The following GRIK2 variants were observed in gnomAD, a reference collection of about 807,000 sequenced individuals.
GRIK2 encodes glutamate ionotropic receptor kainate type subunit 2.
Under a neutral mutation model 100.3 loss-of-function variants are expected in GRIK2, and 32 were observed. The ratio of observed to expected loss-of-function variants is 0.32; its 90% CI spans 0.24 to 0.43. The LOEUF (loss-of-function observed/expected upper bound fraction) is 0.43, where lower values mean the gene tolerates loss of function less well. Among genes scored for constraint, GRIK2 ranks in the 20% least tolerant of loss-of-function variants. The pLI, the probability that GRIK2 is intolerant of heterozygous loss-of-function variation, is 1.00. For synonymous variants in GRIK2, 417 were observed against 389.4 expected, an observed-to-expected ratio of 1.07 and a Z score of -0.83; for missense variants, 843 against 1,114.9, an observed-to-expected ratio of 0.76 and a Z score of 3.47.
chr6:101,414,726 C>T (rs1325063554), intron 2 of GRIK2, among the ~76,000 whole-genome samples: 1 of 152,142 alleles, frequency 6.6e-6, no homozygotes, highest in Non-Finnish European at 1.5e-5. Context: ...TTGCACACGT[C>T]ATTTTACCTC....
chr6:101,600,558 G>T (rs1205224734), intron 2 of GRIK2, among the ~76,000 whole-genome samples: 1 of 151,890 alleles, frequency 6.6e-6, no homozygotes, highest in Non-Finnish European at 1.5e-5. Flanking sequence ...CTATTTGTTT[G>T]TGTCACCTGT....
chr6:101,478,549 G>A (rs546144997), intron 2 of GRIK2, among the ~76,000 whole-genome samples: 334 of 141,186 alleles, frequency 2.4e-3, no homozygotes, highest in African/African-American at 7.7e-3. Flanking sequence ...AGTCTCACTC[G>A]GTTGCCCAAG....
intron 10 of GRIK2, among the ~76,000 whole-genome samples, chr6:101,839,769 G>A (rs1321163391): frequency 6.6e-6 from 1 of 152,120 alleles, no homozygotes; most frequent in Non-Finnish European, 1.5e-5. Context: ...TATATCATTT[G>A]CAAATTGGAC....
chr6:101,725,805 C>A (rs1268556043), intron 7 of GRIK2, among the ~76,000 whole-genome samples: 1 of 151,942 alleles, frequency 6.6e-6, no homozygotes, highest in East Asian at 1.9e-4. Flanking sequence ...CTGTCGTTAA[C>A]TCTGATGTTT....
chr6:101,812,909 T>C (rs1454304406), intron 9 of GRIK2, among the ~76,000 whole-genome samples: 7 of 152,096 alleles, frequency 4.6e-5, no homozygotes, highest in Non-Finnish European at 8.8e-5. Context: ...ACAAAGTCTA[T>C]GTTCAGAAAA....
chr6:101,891,062 G>A (rs1246400420), intron 12 of GRIK2, among the ~76,000 whole-genome samples: 1 of 150,008 alleles, frequency 6.7e-6, no homozygotes, highest in African/African-American at 2.4e-5. Context: ...ACATTACATG[G>A]ATTCTTTTGA....
intron 2 of GRIK2, among the ~76,000 whole-genome samples, chr6:101,484,031 T>C (rs1240471588): frequency 6.6e-6 from 1 of 152,244 alleles, no homozygotes; most frequent in Non-Finnish European, 1.5e-5. Flanking sequence ...TATGGAAATA[T>C]GTCAGCATTG....
At chr6:101,476,513 G>A (rs1413618914) in intron 2 of GRIK2, among the ~76,000 whole-genome samples, 1 of 151,336 alleles carries the variant, frequency 6.6e-6, no homozygotes, top group Non-Finnish European at 1.5e-5. Context: ...GAGTTTATGA[G>A]CATCATAAGT....
At chr6:101,413,565 T>G (rs1282501297) in intron 2 of GRIK2, among the ~76,000 whole-genome samples, 2 of 152,124 alleles carry the variant, frequency 1.3e-5, no homozygotes, top group Non-Finnish European at 2.9e-5. Flanking sequence ...ACATGCTTGA[T>G]TATTTTTAGA....
chr6:101,982,890 C>CTT (rs925299763), intron 14 of GRIK2, among the ~76,000 whole-genome samples: 9 of 151,796 alleles, frequency 5.9e-5, no homozygotes, highest in East Asian at 2.0e-4. Flanking sequence ...TGGCTCCTCT[C>CTT]TTTACTTCCA....
intron 1 of GRIK2, among the ~76,000 whole-genome samples, chr6:101,398,455 A>G (rs567400803): frequency 1.8e-4 from 27 of 152,338 alleles, no homozygotes; most frequent in Non-Finnish European, 4.4e-5. Context: ...TCCAATCTAT[A>G]TTCATTCCTG....
At chr6:101,902,120 C>A (rs1406154659) in intron 12 of GRIK2, among the ~76,000 whole-genome samples, 1 of 151,852 alleles carries the variant, frequency 6.6e-6, no homozygotes, top group Non-Finnish European at 1.5e-5. Context: ...GTAGCATTTG[C>A]CAATTTTCAT....
intron 7 of GRIK2, among the ~76,000 whole-genome samples, chr6:101,737,493 CTT>C (rs1046101610): frequency 7.3e-5 from 11 of 150,500 alleles, no homozygotes; most frequent in African/African-American, 2.7e-4. Context: ...TGTAGGGAAA[CTT>C]AATTTTTGAA....
At chr6:101,475,932 C>T (rs1772204793) in intron 2 of GRIK2, among the ~76,000 whole-genome samples, 1 of 151,878 alleles carries the variant, frequency 6.6e-6, no homozygotes, top group Non-Finnish European at 1.5e-5. Flanking sequence ...CTTTTAGATG[C>T]TAGGTAAATA....
At chr6:102,038,199 A>G (rs1770375042) in intron 15 of GRIK2, among the ~76,000 whole-genome samples, 1 of 151,416 alleles carries the variant, frequency 6.6e-6, no homozygotes, top group Non-Finnish European at 1.5e-5. Context: ...ACATGGAGAA[A>G]TATGGTTAGC....
Position 101,850,431 on chromosome 6 carries a change from AT to A in GRIK2, c.1318-8852del, listed in dbSNP as rs544854712. On this transcript the variant is annotated intron_variant, in intron 10 of 16. Coordinates refer to ENST00000369134, the MANE Select transcript of GRIK2 (RefSeq NM_021956.5). ...ACATATCACATTAAAATTAATTTAC[AT>A]TTTAATGTCCCTATGTTTTAAGTAG... 2.8e-3 allele frequency among the ~76,000 whole-genome samples: 432 copies of A among 152,052 alleles called. 2 individuals are homozygous for A. The highest frequency in any genetic ancestry group is 4.4e-3 in the Admixed American group (67 of 15,240).
chr6:101,695,847 CA>C (rs1386550739), intron 7 of GRIK2, among the ~76,000 whole-genome samples: 1 of 151,994 alleles, frequency 6.6e-6, no homozygotes, highest in Non-Finnish European at 1.5e-5. Flanking sequence ...TCATTTAACA[CA>C]AAGCCTATTT....
chr6:101,707,592 G>GTATATACATA (rs1451926404), intron 7 of GRIK2, among the ~76,000 whole-genome samples: 1 of 128,218 alleles, frequency 7.8e-6, no homozygotes, highest in Admixed American at 8.1e-5. Context: ...GTGTGTGTGT[G>GTATATACATA]TGTATATATG....
intron 14 of GRIK2, among the ~76,000 whole-genome samples, chr6:102,017,941 C>T (rs1031017116): frequency 5.3e-5 from 8 of 152,086 alleles, no homozygotes; most frequent in African/African-American, 1.9e-4. Flanking sequence ...TTTACTTTTT[C>T]CATTAAAGGC....
Sources: gnomAD v4.1 joint callset for allele counts (sites outside exome capture counted in the v4.1 genomes callset) on GRCh38, gnomAD v4.1.1 for gene constraint, MANE v1.5 for transcripts, NCBI Gene and HGNC (gene_info 2026-07-23, HGNC 2026-07-21) for gene names.